ST7: variants seen among roughly 807,000 people sequenced by gnomAD.
ST7 encodes suppression of tumorigenicity 7.
In ST7, 28 loss-of-function variants were observed where a neutral mutation model predicts 78.7. That is an observed-to-expected ratio of 0.36 (90% CI 0.26 to 0.49). The LOEUF is 0.49. ST7 is among the 20% of genes least tolerant of loss of function. The pLI, the probability that ST7 is intolerant of heterozygous loss-of-function variation, is 0.99. For synonymous variants in ST7, 247 were observed against 249.6 expected, an observed-to-expected ratio of 0.99 and a Z score of 0.10; for missense variants, 418 against 696.0, an observed-to-expected ratio of 0.60 and a Z score of 4.49.
intron 1 of ST7, among the ~76,000 whole-genome samples, chr7:116,969,680 T>TA (rs1369897818): frequency 6.6e-6 from 1 of 152,220 alleles, no homozygotes; most frequent in Non-Finnish European, 1.5e-5. Flanking sequence ...AAGTAAAGGC[T>TA]ATTTATTCAA....
chr7:117,157,615 AGAATT>A (rs1448510956), intron 9 of ST7, among the ~76,000 whole-genome samples: 10 of 152,214 alleles, frequency 6.6e-5, no homozygotes, highest in African/African-American at 2.4e-4. Flanking sequence ...TCTACTGAAT[AGAATT>A]ATTTACTATT....
intron 1 of ST7, among the ~76,000 whole-genome samples, chr7:117,082,092 T>C (rs1249361480): frequency 6.6e-6 from 1 of 152,226 alleles, no homozygotes; most frequent in Non-Finnish European, 1.5e-5. Context: ...TTTGAATGGA[T>C]TGAACCAGGC....
chr7:117,123,301 GCCTA>G (rs1803557062), intron 3 of ST7, among the ~76,000 whole-genome samples: 2 of 152,140 alleles, frequency 1.3e-5, no homozygotes, highest in Non-Finnish European at 2.9e-5. Flanking sequence ...GAAAAACATG[GCCTA>G]CCTAAGAACG....
At chr7:117,098,855 G>A (rs965134140) in intron 1 of ST7, 2 of 1,292,438 alleles carry the variant, frequency 1.5e-6, no homozygotes, top group African/African-American at 3.1e-5. Context: ...AAAGTTTTGT[G>A]TAGTATCTAG....
At chr7:117,178,327 A>G (rs38865) in intron 10 of ST7, among the ~76,000 whole-genome samples, 19,129 of 152,178 alleles carry the variant, frequency 0.13, 2,253 homozygotes, top group African/African-American at 0.3. Flanking sequence ...GAAAGATGTT[A>G]AAAAACAAAA....
At chr7:117,001,786 C>T (rs542936289) in intron 1 of ST7, among the ~76,000 whole-genome samples, 158 of 152,186 alleles carry the variant, frequency 1.0e-3, no homozygotes, top group African/African-American at 3.7e-3. Context: ...TTATTCTTCC[C>T]TCCAATACCA....
chr7:117,043,014 G>A (rs1188396182), intron 1 of ST7, among the ~76,000 whole-genome samples: 1 of 151,992 alleles, frequency 6.6e-6, no homozygotes, highest in African/African-American at 2.4e-5. Flanking sequence ...GTTTAGGAAT[G>A]GATTAAGTAA....
chr7:117,008,823 G>T (rs754542313), intron 1 of ST7, among the ~76,000 whole-genome samples: 2 of 152,268 alleles, frequency 1.3e-5, no homozygotes, highest in African/African-American at 4.8e-5. Flanking sequence ...GTTGAACAGG[G>T]TTTGGCAAAC....
chr7:117,093,916 C>T (rs1800831796), intron 1 of ST7, among the ~76,000 whole-genome samples: 2 of 152,188 alleles, frequency 1.3e-5, no homozygotes, highest in South Asian at 4.1e-4. Context: ...TTTTCACCCA[C>T]ATTGATTTAC....
chr7:117,059,009 TG>T (rs1798206628), intron 1 of ST7, among the ~76,000 whole-genome samples: 1 of 151,996 alleles, frequency 6.6e-6, no homozygotes, highest in Admixed American at 6.5e-5. Context: ...GTTGAACTAA[TG>T]GAGATAGAGA....
At chr7:117,150,138 C>T (rs115604222) in intron 9 of ST7, among the ~76,000 whole-genome samples, 1,861 of 152,196 alleles carry the variant, frequency 0.012, 53 homozygotes, top group African/African-American at 0.042. Context: ...TCCCTGGTTT[C>T]GTGGTTGTCT....
intron 1 of ST7, among the ~76,000 whole-genome samples, chr7:117,031,239 A>G (rs1421654504): frequency 6.6e-6 from 1 of 151,668 alleles, no homozygotes; most frequent in Non-Finnish European, 1.5e-5. Context: ...CCCACAAAAA[A>G]CTTTTGGGTA....
At chr7:117,072,697 G>A (rs953934153) in intron 1 of ST7, 14 of 152,130 alleles carry the variant, frequency 9.2e-5, no homozygotes, top group African/African-American at 3.4e-4. Context: ...AACCTATTCT[G>A]GGCTTTAGAG....
chr7:117,147,475 A>G (rs1220072855), intron 9 of ST7, among the ~76,000 whole-genome samples: 1 of 151,924 alleles, frequency 6.6e-6, no homozygotes, highest in African/African-American at 2.4e-5. Flanking sequence ...TTTAATATAC[A>G]TATTTATATA....
rs193169493 is a variant in ST7 at position 116,962,180 on chromosome 7, C to T, written c.151+8489C>T. ...GTGTACCACATTTTCTTTATCCAGT[C>T]TATCATTGATGGGCATTTGGGTTGG... On this transcript the variant is annotated intron_variant, in intron 1 of 15. Coordinates refer to ENST00000323984, the MANE Select transcript of ST7 (RefSeq NM_001369598.1). Among the ~76,000 whole-genome samples the T allele has an allele frequency of 5.9e-5, 9 of 152,278 alleles. No individual in the cohort carries two copies. The East Asian group carries it at 7.7e-4, about 13-fold the overall frequency.
rs1056956480 is a variant in ST7, at chr7:117,076,607, A to T, written c.152-23155A>T. On this transcript the variant is annotated intron_variant, in intron 1 of 15. Coordinates refer to ENST00000323984, the MANE Select transcript of ST7 (RefSeq NM_001369598.1). ...TTGGGCACTGGCAGGATCAAACTCCACTCAGACCCACTGCCTTCCACCCCT... is the reference window on the plus strand; with the variant it reads ...TTGGGCACTGGCAGGATCAAACTCCTCTCAGACCCACTGCCTTCCACCCCT... 2.6e-5 allele frequency: 4 copies of T among 152,396 alleles called. No homozygotes were observed. In the East Asian group the frequency reaches 7.7e-4, roughly 29 times the overall value. The allele number at this position is 152,396 out of a possible 1,614,324, so 9.4% of individuals were successfully genotyped here. A position where few individuals can be genotyped will look rare whatever the true frequency, so the allele number is the denominator to read the frequency against.
chr7:117,201,357 G>A (rs1052489328), intron 12 of ST7, among the ~76,000 whole-genome samples: 5 of 151,990 alleles, frequency 3.3e-5, no homozygotes, highest in Admixed American at 3.3e-4. Flanking sequence ...TTAACAAAAA[G>A]CACTGCAGCT....
chr7:117,156,129 T>C (rs926910152), intron 9 of ST7, among the ~76,000 whole-genome samples: 1 of 152,226 alleles, frequency 6.6e-6, no homozygotes, highest in African/African-American at 2.4e-5. Context: ...TGACAGTCTA[T>C]GGATTTTATT....
Position 117,000,103 on chromosome 7 carries a change from G to A in ST7, c.151+46412G>A, listed in dbSNP as rs747417837. Among the ~76,000 whole-genome samples, 226 of 152,200 alleles carry A rather than the reference G, an allele frequency of 1.5e-3. 1 individual carries two copies. Among genetic ancestry groups the A allele is most frequent in the Middle Eastern group, 6.8e-3 (2 of 292 alleles). ...TGGGATTACAGGCGTGAGCCACTGC[G>A]CCCAGCCTAGAATTTTCTTTTAAAG... On this transcript the variant is annotated intron_variant, in intron 1 of 15. Coordinates refer to ENST00000323984, the MANE Select transcript of ST7 (RefSeq NM_001369598.1).
Sources: gnomAD v4.1 joint callset for allele counts (sites outside exome capture counted in the v4.1 genomes callset) on GRCh38, gnomAD v4.1.1 for gene constraint, MANE v1.5 for transcripts, NCBI Gene and HGNC (gene_info 2026-07-23, HGNC 2026-07-21) for gene names.